The following HYDIN variants were observed in gnomAD, a reference collection of about 807,000 sequenced individuals.
HYDIN encodes axonemal central pair apparatus protein HYDIN.
HYDIN carries 132 observed loss-of-function variants against 403.9 expected under a neutral mutation model. The observed-to-expected ratio is 0.33, with a 90% confidence interval of 0.28 to 0.38. HYDIN has a LOEUF of 0.38. Among genes scored for constraint, HYDIN ranks in the 10% least tolerant of loss-of-function variants. The probability of loss-of-function intolerance (pLI) is 1.00; values close to 1 mark genes in which losing one functional copy is unlikely to be tolerated. For synonymous variants in HYDIN, 1,202 were observed against 1,891.7 expected, an observed-to-expected ratio of 0.64 and a Z score of 9.46; for missense variants, 2,827 against 5,009.5, an observed-to-expected ratio of 0.56 and a Z score of 13.15.
intron 29 of HYDIN, among the ~76,000 whole-genome samples, chr16:70,979,517 G>A (rs2078981708): frequency 6.6e-6 from 1 of 152,154 alleles, no homozygotes; most frequent in Non-Finnish European, 1.5e-5. Context: ...CACTAAATAT[G>A]CCACATTATC....
intron 20 of HYDIN, chr16:71,027,212 C>T (rs1347488024): frequency 9.0e-7 from 1 of 1,110,720 alleles, no homozygotes; most frequent in East Asian, 8.6e-5. Context: ...TGTCCCAATA[C>T]CTGAATAGGA....
At chr16:71,151,496 A>T (rs1370575470) in intron 7 of HYDIN, among the ~76,000 whole-genome samples, 1 of 151,814 alleles carries the variant, frequency 6.6e-6, no homozygotes, top group Non-Finnish European at 1.5e-5. Flanking sequence ...ACTTCCAGGG[A>T]TGGGTTCTTT....
chr16:70,909,971 C>T (rs1303690755), intron 47 of HYDIN, among the ~76,000 whole-genome samples: 4 of 151,260 alleles, frequency 2.6e-5, no homozygotes, highest in Admixed American at 6.6e-5. Context: ...GGATTACAGG[C>T]GTGAGCCACC....
intron 10 of HYDIN, among the ~76,000 whole-genome samples, chr16:71,115,162 G>T (rs2083972490): frequency 6.6e-6 from 1 of 151,308 alleles, no homozygotes; most frequent in African/African-American, 2.4e-5. Flanking sequence ...AAGACTATGT[G>T]GAGGTAACTG....
In HYDIN at chr16:70,807,609, C is replaced by T. The variant is rs775584306; in HGVS notation, c.15337G>A (p.Val5113Ile). 8.1e-6 allele frequency: 13 copies of T among 1,613,576 alleles called. No homozygotes were observed. Among genetic ancestry groups the T allele is most frequent in the Non-Finnish European group, 1.0e-5 (12 of 1,179,690 alleles). ...GEGSETGVKW[V>I]YYLKGITL is the part of the protein sequence containing the mutation. ...AGGGTGATCCCCTTCAGATAATAAA[C>T]CCATTTAACTCCAGTCTCACTCCCT... Residue 5113 changes from valine to isoleucine, a missense_variant, in exon 86 of 86, where the codon GTT becomes ATT. Coordinates refer to ENST00000393567, the MANE Select transcript of HYDIN (RefSeq NM_001270974.2).
intron 1 of HYDIN, among the ~76,000 whole-genome samples, chr16:71,197,486 T>C (rs2087757851): frequency 6.6e-6 from 1 of 152,160 alleles, no homozygotes; most frequent in Non-Finnish European, 1.5e-5. Context: ...AATTTTAATT[T>C]CAGTTTCAAT....
chr16:70,824,518 T>C (rs930112956), intron 83 of HYDIN, among the ~76,000 whole-genome samples: 24 of 151,700 alleles, frequency 1.6e-4, no homozygotes, highest in Non-Finnish European at 3.4e-4. Flanking sequence ...CCTTGTACTT[T>C]CCTCTTTGAT....
At chr16:70,966,123 C>A (rs1252590959) in intron 36 of HYDIN, among the ~76,000 whole-genome samples, 1 of 151,420 alleles carries the variant, frequency 6.6e-6, no homozygotes. Flanking sequence ...GCTTCCTGTG[C>A]GATTAGCTGA....
chr16:71,149,373 T>C (rs1305211989), intron 7 of HYDIN, among the ~76,000 whole-genome samples: 2 of 147,980 alleles, frequency 1.4e-5, no homozygotes, highest in Non-Finnish European at 3.0e-5. Flanking sequence ...TTTGGAAGTT[T>C]CTTACAAAGT....
At chr16:70,936,934 G>A (rs1384435920) in intron 44 of HYDIN, among the ~76,000 whole-genome samples, 9 of 151,344 alleles carry the variant, frequency 5.9e-5, no homozygotes, top group African/African-American at 1.7e-4. Flanking sequence ...TTCCCTTTCC[G>A]CTGTCATTCA....
intron 1 of HYDIN, among the ~76,000 whole-genome samples, chr16:71,222,553 C>T (rs2040851102): frequency 6.6e-6 from 1 of 151,982 alleles, no homozygotes; most frequent in African/African-American, 2.4e-5. Flanking sequence ...TCACTGTTTG[C>T]CAGTTATATG....
At chr16:71,177,972 G>A (rs577067902) in intron 4 of HYDIN, among the ~76,000 whole-genome samples, 1 of 152,186 alleles carries the variant, frequency 6.6e-6, no homozygotes, top group Non-Finnish European at 1.5e-5. Flanking sequence ...AGTGAGAGAA[G>A]CCTTCAAAAC....
At chr16:70,995,811 G>T (rs1399843403) in intron 23 of HYDIN, among the ~76,000 whole-genome samples, 1 of 152,130 alleles carries the variant, frequency 6.6e-6, no homozygotes, top group Non-Finnish European at 1.5e-5. Context: ...TTCTGGGAGC[G>T]TCCACTACAG....
chr16:70,881,926 C>T (rs2040832206), intron 60 of HYDIN, among the ~76,000 whole-genome samples: 1 of 152,208 alleles, frequency 6.6e-6, no homozygotes, highest in South Asian at 2.1e-4. Context: ...GTGACAGAAA[C>T]CCACTGATTA....
At chr16:70,921,614 T>G (rs2076997799) in intron 45 of HYDIN, among the ~76,000 whole-genome samples, 1 of 152,178 alleles carries the variant, frequency 6.6e-6, no homozygotes, top group Non-Finnish European at 1.5e-5. Context: ...GCTGCACTGC[T>G]TGGTAGCTGT....
intron 55 of HYDIN, 86 bp downstream of exon 55, chr16:70,894,363 A>G (rs2041665957): frequency 2.0e-5 from 32 of 1,584,022 alleles, no homozygotes; most frequent in Non-Finnish European, 2.7e-5. Context: ...TATCGGATTC[A>G]GGTTACCTGA....
chr16:70,813,089 A>C (rs976926405), intron 84 of HYDIN, among the ~76,000 whole-genome samples: 15 of 151,800 alleles, frequency 9.9e-5, no homozygotes, highest in Admixed American at 2.0e-4. Context: ...AGTAGCTAGG[A>C]ATACAGGCAC....
At chr16:71,055,310 T>G (rs562404305) in intron 18 of HYDIN, among the ~76,000 whole-genome samples, 21 of 152,296 alleles carry the variant, frequency 1.4e-4, no homozygotes, top group African/African-American at 5.1e-4. Context: ...ATAACAGTAT[T>G]TTCTCACAGA....
At chr16:70,998,814 G>T (rs1203777169) in intron 23 of HYDIN, among the ~76,000 whole-genome samples, 1 of 151,272 alleles carries the variant, frequency 6.6e-6, no homozygotes, top group African/African-American at 2.4e-5. Flanking sequence ...CATATTTATT[G>T]TCTAGATTTG....
Sources: gnomAD v4.1 joint callset for allele counts (sites outside exome capture counted in the v4.1 genomes callset) on GRCh38, gnomAD v4.1.1 for gene constraint, MANE v1.5 for transcripts, NCBI Gene and HGNC (gene_info 2026-07-23, HGNC 2026-07-21) for gene names.